SUZ12: variants seen among roughly 807,000 people sequenced by gnomAD.
SUZ12 encodes polycomb protein SUZ12.
A neutral mutation model predicts 87.3 loss-of-function variants in SUZ12; 17 were observed. The observed-to-expected ratio is 0.19, with a 90% CI of 0.13 to 0.29. SUZ12 has a LOEUF of 0.29. Among genes scored for constraint, SUZ12 ranks in the 10% least tolerant of loss-of-function variants. SUZ12 has a pLI of 1.00. For missense variants in SUZ12, 526 were observed against 912.2 expected, an observed-to-expected ratio of 0.58 and a Z score of 5.45; for synonymous variants, 253 against 312.4, an observed-to-expected ratio of 0.81 and a Z score of 2.01.
chr17:31,963,021 T>A (rs1187793712), intron 4 of SUZ12, among the ~76,000 whole-genome samples: 3 of 152,152 alleles, frequency 2.0e-5, no homozygotes, highest in East Asian at 1.9e-4. Flanking sequence ...TTATGGAACT[T>A]CTTCTAGAAT....
At chr17:31,952,843 G>T (rs1181301429) in intron 4 of SUZ12, among the ~76,000 whole-genome samples, 1 of 152,132 alleles carries the variant, frequency 6.6e-6, no homozygotes, top group East Asian at 1.9e-4. Context: ...GATTACAGGC[G>T]TGTGGCACCG....
intron 4 of SUZ12, among the ~76,000 whole-genome samples, chr17:31,964,484 G>A (rs1907968378): frequency 6.6e-6 from 1 of 151,254 alleles, no homozygotes; most frequent in Non-Finnish European, 1.5e-5. Flanking sequence ...TCGGCTCACT[G>A]TAACCTCTGC....
chr17:31,965,397 T>G (rs1047994261), intron 4 of SUZ12, among the ~76,000 whole-genome samples: 1 of 152,238 alleles, frequency 6.6e-6, no homozygotes, highest in African/African-American at 2.4e-5. Flanking sequence ...TTATTGATGC[T>G]TCTGTTTATT....
chr17:31,985,813 C>T (rs981114062), intron 9 of SUZ12, among the ~76,000 whole-genome samples: 4 of 151,934 alleles, frequency 2.6e-5, no homozygotes, highest in African/African-American at 9.7e-5. Flanking sequence ...CAGGTGTGCA[C>T]CACCATGCCC....
At chr17:31,991,914 TATA>T (rs2142211541) in intron 10 of SUZ12, among the ~76,000 whole-genome samples, 1 of 152,154 alleles carries the variant, frequency 6.6e-6, no homozygotes, top group African/African-American at 2.4e-5. Flanking sequence ...ATAATTTTAA[TATA>T]ATAAGTATAA....
intron 7 of SUZ12, among the ~76,000 whole-genome samples, chr17:31,976,300 CATT>C: frequency 6.6e-6 from 1 of 152,260 alleles, no homozygotes; most frequent in South Asian, 2.1e-4. Flanking sequence ...TAAACAGAAA[CATT>C]AGCATTTGCA....
At chr17:31,991,945 C>T (rs1909742005) in intron 10 of SUZ12, among the ~76,000 whole-genome samples, 1 of 151,806 alleles carries the variant, frequency 6.6e-6, no homozygotes, top group African/African-American at 2.4e-5. Context: ...TCTGATAAAC[C>T]AACACTTAGT....
intron 4 of SUZ12, among the ~76,000 whole-genome samples, chr17:31,952,351 C>T (rs560152467): frequency 1.9e-4 from 29 of 152,256 alleles, no homozygotes; most frequent in South Asian, 1.0e-3. Context: ...TGAGCCACCA[C>T]GCCTGGCCTT....
chr17:32,000,428 T>C lies in SUZ12; in HGVS notation c.*1425T>C, dbSNP rs559146384. On this transcript the variant is annotated 3_prime_UTR_variant, in exon 16 of 16. Coordinates refer to ENST00000322652, the MANE Select transcript of SUZ12 (RefSeq NM_015355.4). The stretch of plus-strand genomic sequence containing the variant: ...ATTTAACGAATAGTGTGGATGTGAT[T>C]TGTCATCCAGTATTAAGTTCTTAGT... The C allele has an allele frequency of 4.3e-6, 1 of 232,612 alleles. No individual in the cohort carries two copies. Among genetic ancestry groups the C allele is most frequent in the East Asian group, 6.1e-5 (1 of 16,414 alleles). 14.4% of individuals were successfully genotyped at this position (232,612 alleles called of 1,614,324 possible).
intron 1 of SUZ12, among the ~76,000 whole-genome samples, chr17:31,938,073 C>T (rs1906046022): frequency 6.6e-6 from 1 of 151,968 alleles, no homozygotes; most frequent in African/African-American, 2.4e-5. Flanking sequence ...GATATGTAAA[C>T]TGAGCCAGAG....
chr17:31,957,895 CTTTTTTTTTTTT>C (rs1181314058), intron 4 of SUZ12, among the ~76,000 whole-genome samples: 1 of 91,332 alleles, frequency 1.1e-5, no homozygotes, highest in Non-Finnish European at 2.2e-5. Flanking sequence ...ACCTTTTGTC[CTTTTTTTTTTTT>C]TTTTTTTTTT....
rs115950512 is a variant in SUZ12 at position 31,965,026 on chromosome 17, C to T, written c.456-1121C>T. On this transcript the variant is annotated intron_variant, in intron 4 of 15. Coordinates refer to ENST00000322652, the MANE Select transcript of SUZ12 (RefSeq NM_015355.4). ...AGTCCTGGTCAAATTTACAGGGCAA[C>T]CTCTTCATAATATGTCCTTATTTCC... 2.2e-3 allele frequency among the ~76,000 whole-genome samples: 331 copies of T among 151,890 alleles called. 2 individuals carry two copies. The highest frequency in any genetic ancestry group is 7.3e-3 in the African/African-American group (302 of 41,462).
chr17:31,941,479 A>G (rs920587061), intron 3 of SUZ12, among the ~76,000 whole-genome samples: 55 of 150,244 alleles, frequency 3.7e-4, no homozygotes, highest in Non-Finnish European at 5.8e-4. Context: ...CTGGTCTCGA[A>G]CTCCTGACCT....
intron 3 of SUZ12, among the ~76,000 whole-genome samples, chr17:31,947,412 C>T (rs1369650929): frequency 2.0e-5 from 3 of 152,090 alleles, no homozygotes; most frequent in Non-Finnish European, 2.9e-5. Flanking sequence ...AACAAGTTAG[C>T]GTTTTAGATG....
intron 4 of SUZ12, among the ~76,000 whole-genome samples, chr17:31,952,684 T>A (rs918298723): frequency 6.6e-6 from 1 of 152,134 alleles, no homozygotes; most frequent in Non-Finnish European, 1.5e-5. Context: ...TGCCTCAGCC[T>A]CCTGAGTAGC....
chr17:31,937,142 C>A lies in SUZ12; in HGVS notation c.-105C>A, dbSNP rs1387641133. ...CTCCTCCCCTCTCTCCTCCTTCCCCCCTCGGTCCGCCGGAGCCTGCTGGGG... is the reference window on the plus strand; with the variant it reads ...CTCCTCCCCTCTCTCCTCCTTCCCCACTCGGTCCGCCGGAGCCTGCTGGGG... On this transcript the variant is annotated 5_prime_UTR_variant, in exon 1 of 16. Coordinates refer to ENST00000322652, the MANE Select transcript of SUZ12 (RefSeq NM_015355.4). The A allele has an allele frequency of 3.0e-6, 3 of 1,008,378 alleles. No homozygotes were observed. Among genetic ancestry groups the A allele is most frequent in the South Asian group, 2.4e-5 (1 of 41,318 alleles). 62.5% of individuals were successfully genotyped at this position (1,008,378 alleles called of 1,614,324 possible).
chr17:31,952,981 C>T (rs1907080120), intron 4 of SUZ12, among the ~76,000 whole-genome samples: 2 of 152,284 alleles, frequency 1.3e-5, no homozygotes, highest in South Asian at 2.1e-4. Flanking sequence ...CAGGGCCAAA[C>T]GAAGCAAAAT....
At chr17:31,960,313 C>T (rs1349632336) in intron 4 of SUZ12, among the ~76,000 whole-genome samples, 1 of 151,942 alleles carries the variant, frequency 6.6e-6, no homozygotes, top group Non-Finnish European at 1.5e-5. Flanking sequence ...CAGGTTTAAG[C>T]GATTCTCCTG....
At chr17:31,986,799 C>T (rs1264975365) in intron 9 of SUZ12, among the ~76,000 whole-genome samples, 2 of 152,034 alleles carry the variant, frequency 1.3e-5, no homozygotes, top group Admixed American at 6.5e-5. Context: ...ATCTGCCCTC[C>T]TCGGCCTCCC....
Sources: allele counts gnomAD v4.1 joint callset (sites outside exome capture counted in the v4.1 genomes callset), GRCh38; gene constraint gnomAD v4.1.1; transcripts MANE v1.5; gene names NCBI Gene and HGNC (gene_info 2026-07-23, HGNC 2026-07-21).